Variants in CDC16 observed in about 807,000 individuals in gnomAD.
The protein encoded by CDC16 is cell division cycle 16.
CDC16 carries 34 observed loss-of-function variants against 87.0 expected under a neutral mutation model. That is an observed-to-expected ratio of 0.39 (90% CI 0.30 to 0.52). CDC16 has a LOEUF of 0.52. Among genes scored for constraint, CDC16 ranks in the 20% least tolerant of loss-of-function variants. The pLI is 0.74. For synonymous variants in CDC16, 263 were observed against 260.6 expected, an observed-to-expected ratio of 1.01 and a Z score of -0.09; for missense variants, 653 against 751.9, an observed-to-expected ratio of 0.87 and a Z score of 1.54.
chr13:114,264,526 T>C (rs17338305), intron 16 of CDC16, among the ~76,000 whole-genome samples: 3,702 of 138,332 alleles, frequency 0.027, 155 homozygotes, highest in African/African-American at 0.09. Flanking sequence ...CGCCACTGCA[T>C]TCCAGCCTGG....
At chr13:114,271,200 C>T (rs535748283) in intron 17 of CDC16, among the ~76,000 whole-genome samples, 4 of 151,958 alleles carry the variant, frequency 2.6e-5, no homozygotes, top group Admixed American at 1.3e-4. Context: ...GGATTACAGG[C>T]GTGAGCCATC....
At chr13:114,249,873 C>T (rs1312038332) in intron 11 of CDC16, among the ~76,000 whole-genome samples, 1 of 152,156 alleles carries the variant, frequency 6.6e-6, no homozygotes, top group African/African-American at 2.4e-5. Context: ...CTGTGGATCT[C>T]CTCAAATTTC....
intron 5 of CDC16, among the ~76,000 whole-genome samples, 172 bp downstream of exon 5, chr13:114,239,662 T>C (rs7997546): frequency 0.47 from 71,831 of 152,150 alleles, 20,149 homozygotes; most frequent in African/African-American, 0.78. Flanking sequence ...TCTGAGCCCT[T>C]AGTTGCAAGC....
chr13:114,259,479 C>A, intron 14 of CDC16, 81 bp downstream of exon 14: 1 of 759,326 alleles, frequency 1.3e-6, no homozygotes, highest in South Asian at 2.3e-5. Context: ...ACACAGAAAT[C>A]TCTTGCCTTC....
intron 17 of CDC16, among the ~76,000 whole-genome samples, chr13:114,266,587 C>T (rs1371956725): frequency 1.3e-5 from 2 of 152,176 alleles, no homozygotes; most frequent in African/African-American, 2.4e-5. Context: ...GTTTCCCTGC[C>T]CCCTTAGAAC....
At position 114,245,733 on chromosome 13, in the gene CDC16, C is replaced by T. The variant is rs1003264608; in HGVS notation, c.848-267C>T. The T allele has an allele frequency of 1.4e-5, 5 of 346,378 alleles. No individual in the cohort carries two copies. The East Asian group carries it at 1.8e-4, about 12-fold the overall frequency. 21.5% of individuals were successfully genotyped at this position (346,378 alleles called of 1,614,324 possible). A position where few individuals can be genotyped will look rare whatever the true frequency, so the allele number is the denominator to read the frequency against. ...GGGCCCTTGGTGTGACAGGCATGAG[C>T]TTCTAAGAGAGGTGAGGTGCTTTGC... is the stretch of plus-strand genomic sequence containing the variant. On this transcript the variant is annotated intron_variant, in intron 9 of 17. Coordinates refer to ENST00000356221, the MANE Select transcript of CDC16 (RefSeq NM_001078645.3).
chr13:114,235,006 G>T lies in CDC16; in HGVS notation c.-79G>T. ...GGCGGCGGCTGCAGGCACGGGCACG[G>T]GCACGGGGCGGGGTGCTTAGGGTGC... On this transcript the variant is annotated 5_prime_UTR_variant, in exon 1 of 18. Coordinates refer to ENST00000356221, the MANE Select transcript of CDC16 (RefSeq NM_001078645.3). 1.7e-6 allele frequency: 2 copies of T among 1,156,302 alleles called. No homozygotes were observed. The highest frequency in any genetic ancestry group is 1.1e-6 in the Non-Finnish European group (1 of 914,164). 71.6% of individuals were successfully genotyped at this position (1,156,302 alleles called of 1,614,324 possible). A position where few individuals can be genotyped will look rare whatever the true frequency, so the allele number is the denominator to read the frequency against.
At chr13:114,256,983 A>T in intron 12 of CDC16, 95 bp from the exon 13 acceptor site, 1 of 758,394 alleles carries the variant, frequency 1.3e-6, no homozygotes, top group Non-Finnish European at 2.1e-6. Context: ...GGCTACCTTT[A>T]AATTATTTTG....
intron 11 of CDC16, among the ~76,000 whole-genome samples, chr13:114,248,967 C>T (rs2082013681): frequency 6.6e-6 from 1 of 152,030 alleles, no homozygotes; most frequent in Non-Finnish European, 1.5e-5. Context: ...GAAGCCCCCC[C>T]TCCCAGGGTG....
At chr13:114,253,991 A>G (rs9590408) in intron 12 of CDC16, among the ~76,000 whole-genome samples, 44,409 of 152,112 alleles carry the variant, frequency 0.29, 8,659 homozygotes, top group African/African-American at 0.56. Context: ...AGGTGTGTAC[A>G]TGTTTATAAT....
At position 114,272,672 on chromosome 13, in the gene CDC16, C is replaced by T. The variant is rs1466418042; in HGVS notation, c.*229C>T. 2 of 398,024 alleles carry T rather than the reference C, an allele frequency of 5.0e-6. No homozygotes were observed. The highest frequency in any genetic ancestry group is 3.8e-5 in the East Asian group (1 of 26,040). 24.7% of individuals were successfully genotyped at this position (398,024 alleles called of 1,614,324 possible). On this transcript the variant is annotated 3_prime_UTR_variant, in exon 18 of 18. Transcript: ENST00000356221. ...ACATAGTGGAATAAAGAAGGTAAACCATCTGTTATGTCTTTTTTTTTCTTT... is the reference window on the plus strand; with the variant it reads ...ACATAGTGGAATAAAGAAGGTAAACTATCTGTTATGTCTTTTTTTTTCTTT...
Position 114,238,970 on chromosome 13 carries a change from CAAATT to C in CDC16, c.202-17_202-13del, listed in dbSNP as rs2081401663. 1 of 1,606,588 alleles carries C rather than the reference CAAATT, an allele frequency of 6.2e-7. No individual in the cohort carries two copies. The highest frequency in any genetic ancestry group is 1.1e-5 in the South Asian group (1 of 90,074). ...CATATTATTTTGACCACTACTTAAA[CAAATT>C]AATTTCTTTCCTAGTTGTATGAAGC... On this transcript the variant is annotated splice_polypyrimidine_tract_variant and intron_variant, in intron 3 of 17. Coordinates refer to ENST00000356221, the MANE Select transcript of CDC16 (RefSeq NM_001078645.3).
chr13:114,256,590 C>T (rs549066259), intron 12 of CDC16, among the ~76,000 whole-genome samples: 2 of 152,250 alleles, frequency 1.3e-5, no homozygotes, highest in South Asian at 4.1e-4. Flanking sequence ...ATACACAGGG[C>T]ATTATTCATA....
Position 114,243,303 on chromosome 13 carries a change from A to G in CDC16, c.588A>G (p.Glu196=). 1 of 1,596,082 alleles carries G rather than the reference A, an allele frequency of 6.3e-7. No homozygotes were observed. Among genetic ancestry groups the G allele is most frequent in the African/African-American group, 1.3e-5 (1 of 74,746 alleles). ...ESLPLSKLCN[E]EQELLRFLFE... ...TACCCCTTAGCAAGCTGTGTAATGA[A>G]GAACAGGAATTGCTGCGTTTTCTAT... Residue 196 remains glutamate, a synonymous_variant, in exon 7 of 18, where the codon GAA becomes GAG. Coordinates refer to ENST00000356221, the MANE Select transcript of CDC16 (RefSeq NM_001078645.3).
chr13:114,272,159 T>C (rs750668158), intron 17 of CDC16, 25 bp from the exon 18 acceptor site: 3 of 1,282,026 alleles, frequency 2.3e-6, no homozygotes, highest in Non-Finnish European at 3.3e-6. Flanking sequence ...TCTTATTTTA[T>C]TCTAATTATA....
rs17291438 is a variant in CDC16 at position 114,260,668 on chromosome 13, A to G, written c.1315-1219A>G. Among the ~76,000 whole-genome samples the G allele has an allele frequency of 2.5e-3, 381 of 152,374 alleles. 1 individual carries two copies. The highest frequency in any genetic ancestry group is 2.8e-3 in the Non-Finnish European group (191 of 68,034). ...GTTTTAAGTATGAAAGCACAACACT[A>G]TTGAAATGTCAAAATGCTCATTAAA... On this transcript the variant is annotated intron_variant, in intron 14 of 17. Transcript: ENST00000356221.
chr13:114,269,485 G>C (rs768462589), intron 17 of CDC16, among the ~76,000 whole-genome samples: 58 of 152,058 alleles, frequency 3.8e-4, no homozygotes, highest in Admixed American at 2.3e-3. Flanking sequence ...CTACTCCCAG[G>C]TATGAGCCCA....
intron 16 of CDC16, 66 bp from the exon 17 acceptor site, chr13:114,265,084 G>C (rs950495144): frequency 8.7e-7 from 1 of 1,147,712 alleles, no homozygotes; most frequent in African/African-American, 1.5e-5. Flanking sequence ...ATTTTGAAAT[G>C]AATCAGTGTG....
At chr13:114,254,917 C>A (rs2082404944) in intron 12 of CDC16, among the ~76,000 whole-genome samples, 1 of 152,172 alleles carries the variant, frequency 6.6e-6, no homozygotes, top group Admixed American at 6.5e-5. Flanking sequence ...CTCTCTGAAG[C>A]CTGCTACCTG....
Sources: gnomAD v4.1 joint callset for allele counts (sites outside exome capture counted in the v4.1 genomes callset) on GRCh38, gnomAD v4.1.1 for gene constraint, MANE v1.5 for transcripts, NCBI Gene and HGNC (gene_info 2026-07-23, HGNC 2026-07-21) for gene names.